TMEM68: variants seen among roughly 807,000 people sequenced by gnomAD.
The protein encoded by TMEM68 is transmembrane protein 68, also known as DGAT1/2-independent enzyme synthesizing storage lipids.
A neutral mutation model predicts 36.9 loss-of-function variants in TMEM68; 25 were observed. That is an observed-to-expected ratio of 0.68 (90% CI 0.49 to 0.95). The LOEUF is 0.95. Ranked by LOEUF, TMEM68 falls within the 40% of genes least tolerant of loss-of-function variation. The probability of loss-of-function intolerance (pLI) is 0.00; values close to 1 mark genes in which losing one functional copy is unlikely to be tolerated. For missense variants in TMEM68, 333 were observed against 392.0 expected (o/e 0.85, Z 1.27); for synonymous variants, 131 against 124.4 (o/e 1.05, Z -0.35).
intron 7 of TMEM68, among the ~76,000 whole-genome samples, chr8:55,741,641 G>A (rs979523259): frequency 2.0e-5 from 3 of 152,090 alleles, no homozygotes; most frequent in African/African-American, 7.2e-5. Context: ...ACATGAACAG[G>A]GTATTGTTTG....
At chr8:55,742,417 A>C (rs1810129292) in intron 7 of TMEM68, among the ~76,000 whole-genome samples, 1 of 152,214 alleles carries the variant, frequency 6.6e-6, no homozygotes, top group African/African-American at 2.4e-5. Flanking sequence ...ACTATGTTTT[A>C]CCATATTATG....
chr8:55,748,683 T>C (rs1215336993), intron 5 of TMEM68, among the ~76,000 whole-genome samples: 1 of 150,344 alleles, frequency 6.7e-6, no homozygotes, highest in Non-Finnish European at 1.5e-5. Context: ...CTCGGCTCAC[T>C]GCAACCTCTG....
chr8:55,760,049 C>T (rs949889935), intron 3 of TMEM68, among the ~76,000 whole-genome samples: 1 of 152,258 alleles, frequency 6.6e-6, no homozygotes, highest in African/African-American at 2.4e-5. Context: ...CCTGCTAACA[C>T]AGCCTCAGTT....
At chr8:55,752,721 C>CTT (rs61195952) in intron 4 of TMEM68, among the ~76,000 whole-genome samples, 44 of 102,720 alleles carry the variant, frequency 4.3e-4, no homozygotes, top group African/African-American at 1.2e-3. Context: ...TATAGGATCC[C>CTT]TTTTTTTTTT....
At chr8:55,751,222 A>C in intron 4 of TMEM68, 65 bp from the exon 5 acceptor site, 1 of 1,418,422 alleles carries the variant, frequency 7.1e-7, no homozygotes, top group Non-Finnish European at 9.6e-7. Context: ...CAAAAGAAAA[A>C]TCTTCACAAA....
rs1212011462 is a variant in TMEM68, at chr8:55,739,549, TTTAAA to T, written c.*578_*582del. 9 of 152,648 alleles carry T rather than the reference TTTAAA, an allele frequency of 5.9e-5. No individual in the cohort carries two copies. Among genetic ancestry groups the T allele is most frequent in the African/African-American group, 2.2e-4 (9 of 41,450 alleles). The allele number at this position is 152,648 out of a possible 1,614,324, so 9.5% of individuals were successfully genotyped here. The stretch of plus-strand genomic sequence containing the variant: ...TAACTGCTAAAGGATTTTGACATTG[TTTAAA>T]TTAATTATTTTATTATTTTGGTTCA... On this transcript the variant is annotated 3_prime_UTR_variant, in exon 8 of 8. Transcript: ENST00000434581.
chr8:55,750,603 G>A (rs1406859475), intron 5 of TMEM68, among the ~76,000 whole-genome samples: 2 of 149,188 alleles, frequency 1.3e-5, no homozygotes, highest in African/African-American at 2.5e-5. Flanking sequence ...GCAGTGGTGC[G>A]ATCTCAGCTC....
intron 3 of TMEM68, among the ~76,000 whole-genome samples, chr8:55,757,634 T>A (rs1053217540): frequency 9.2e-5 from 14 of 152,244 alleles, no homozygotes; most frequent in African/African-American, 3.1e-4. Flanking sequence ...AGGCATGTAA[T>A]GCTGGGAGGG....
intron 5 of TMEM68, among the ~76,000 whole-genome samples, chr8:55,750,662 C>T (rs1299745754): frequency 6.6e-6 from 1 of 151,782 alleles, no homozygotes; most frequent in African/African-American, 2.4e-5. Flanking sequence ...CCCTCAGCCT[C>T]CCGAGTAGCT....
At position 55,742,644 on chromosome 8, in the gene TMEM68, ATCC is replaced by A. The variant is rs1810138831; in HGVS notation, c.888+834_888+836del. On this transcript the variant is annotated intron_variant, in intron 7 of 7. Transcript: ENST00000434581. ...AACCTTGACCTCCTGGCTTCATGAT[ATCC>A]TCCTACCTCAGCCTCCCAAGGTGCC... 1.3e-5 allele frequency among the ~76,000 whole-genome samples: 2 copies of A among 152,102 alleles called. 1 individual carries two copies. The highest frequency in any genetic ancestry group is 4.2e-4 in the South Asian group (2 of 4,814).
At chr8:55,748,968 G>T (rs6995712) in intron 5 of TMEM68, among the ~76,000 whole-genome samples, 1 of 151,706 alleles carries the variant, frequency 6.6e-6, no homozygotes, top group Admixed American at 6.6e-5. Context: ...GAGACATTGT[G>T]AAAGTTACTT....
chr8:55,757,318 A>G (rs185947533), intron 3 of TMEM68, among the ~76,000 whole-genome samples: 25 of 152,328 alleles, frequency 1.6e-4, no homozygotes, highest in Middle Eastern at 6.8e-3. Flanking sequence ...GGCAGATGCC[A>G]TAAAAGAGGG....
intron 3 of TMEM68, 26 bp from the exon 4 acceptor site, chr8:55,756,437 C>T: frequency 6.5e-7 from 1 of 1,535,938 alleles, no homozygotes; most frequent in East Asian, 2.4e-5. Context: ...AATGCAAATA[C>T]TTAAAATATA....
chr8:55,772,326 G>C (rs182880774), intron 1 of TMEM68, among the ~76,000 whole-genome samples: 5 of 152,230 alleles, frequency 3.3e-5, no homozygotes, highest in Admixed American at 3.3e-4. Flanking sequence ...GCATTTCGTA[G>C]CACCAACCAC....
At chr8:55,771,441 AACACACACAC>A (rs10612593) in intron 1 of TMEM68, among the ~76,000 whole-genome samples, 4 of 149,354 alleles carry the variant, frequency 2.7e-5, no homozygotes, top group Admixed American at 1.3e-4. Flanking sequence ...GTCTCTACAA[AACACACACAC>A]ACACACACAC....
In TMEM68 at chr8:55,743,511, T is replaced by C. The variant is rs1192390339; in HGVS notation, c.858A>G (p.Pro286=). ...CAGCTAATTCTTCCGCTGTTATCTGTGGGTCATACGGAATGGGGTCGCCTA... is the reference window on the plus strand; with the variant it reads ...CAGCTAATTCTTCCGCTGTTATCTGCGGGTCATACGGAATGGGGTCGCCTA... ...TYLGDPIPYD[P]QITAEELAEK... Residue 286 remains proline, a synonymous_variant, in exon 7 of 8, where the codon CCA becomes CCG. Transcript: ENST00000434581. The C allele has an allele frequency of 3.3e-6, 5 of 1,535,282 alleles. No individual in the cohort carries two copies. In the South Asian group the frequency reaches 6.0e-5, roughly 18 times the overall value.
intron 5 of TMEM68, among the ~76,000 whole-genome samples, chr8:55,750,191 A>G (rs866417752): frequency 1.3e-5 from 2 of 152,126 alleles, no homozygotes; most frequent in Non-Finnish European, 1.5e-5. Flanking sequence ...GTATAACTGC[A>G]TATATCCTTT....
intron 1 of TMEM68, among the ~76,000 whole-genome samples, chr8:55,767,406 G>A (rs947331821): frequency 1.3e-5 from 2 of 152,058 alleles, no homozygotes; most frequent in African/African-American, 4.8e-5. Context: ...CAGGTTTGAG[G>A]GTGGGATGGA....
chr8:55,764,007 G>T (rs1386113026), intron 1 of TMEM68, 27 bp from the exon 2 acceptor site: 1 of 151,722 alleles, frequency 6.6e-6, no homozygotes, highest in Admixed American at 6.6e-5. Flanking sequence ...ACAAATGTAA[G>T]AAATAAATTA....
Sources: gnomAD v4.1 joint callset for allele counts (sites outside exome capture counted in the v4.1 genomes callset) on GRCh38, gnomAD v4.1.1 for gene constraint, MANE v1.5 for transcripts, NCBI Gene and HGNC (gene_info 2026-07-23, HGNC 2026-07-21) for gene names.